Variants in CWC25 observed in about 807,000 individuals in gnomAD.
The protein encoded by CWC25 is CWC25 spliceosome associated protein.
Under a neutral mutation model 54.6 loss-of-function variants are expected in CWC25, and 31 were observed. The observed-to-expected ratio is 0.57, with a 90% CI of 0.43 to 0.77. The LOEUF is 0.77. Among genes scored for constraint, CWC25 ranks in the 30% least tolerant of loss-of-function variants. CWC25 has a pLI of 0.00. For synonymous variants in CWC25, 151 were observed against 187.0 expected, an observed-to-expected ratio of 0.81 and a Z score of 1.57; for missense variants, 453 against 529.3, an observed-to-expected ratio of 0.86 and a Z score of 1.41.
chr17:38,813,278 A>G (rs933057991), intron 3 of CWC25, among the ~76,000 whole-genome samples: 17 of 151,564 alleles, frequency 1.1e-4, no homozygotes, highest in African/African-American at 3.6e-4. Flanking sequence ...CCTGGCCAAC[A>G]TGGTGAAACC....
chr17:38,806,269 T>G, intron 8 of CWC25, 28 bp downstream of exon 8: 2 of 1,574,926 alleles, frequency 1.3e-6, no homozygotes, highest in Non-Finnish European at 1.7e-6. Flanking sequence ...CTGCAAAATG[T>G]GGTTAATCAA....
chr17:38,811,049 G>A (rs762657712), intron 4 of CWC25, among the ~76,000 whole-genome samples: 2 of 151,222 alleles, frequency 1.3e-5, no homozygotes, highest in Non-Finnish European at 2.9e-5. Flanking sequence ...TGGCCAATAT[G>A]GTGAAAGACC....
chr17:38,810,472 C>A lies in CWC25; in HGVS notation c.622G>T (p.Gly208Trp). The A allele has an allele frequency of 6.3e-7, 1 of 1,586,258 alleles. No homozygotes were observed. ...GGCCAGTCGCCACATGCTCACCTCCCTGCACTGTGCTCATCCTCGCTGCTG... is the reference window on the plus strand; with the variant it reads ...GGCCAGTCGCCACATGCTCACCTCCATGCACTGTGCTCATCCTCGCTGCTG... ...RSSSEDEHSA[G>W]RSQKKMANSS... The change falls in exon 5 of 10, where the codon GGG becomes TGG. Residue 208 changes from glycine (G) to tryptophan (W), a missense_variant. By Grantham distance (184) the Gly-to-Trp change is radical. Coordinates refer to ENST00000614790, the MANE Select transcript of CWC25 (RefSeq NM_017748.5).
chr17:38,821,840 G>A (rs1292992364), intron 1 of CWC25, among the ~76,000 whole-genome samples: 2 of 151,470 alleles, frequency 1.3e-5, no homozygotes, highest in Non-Finnish European at 2.9e-5. Flanking sequence ...AGCTATCTCG[G>A]CTGACTGCAC....
intron 6 of CWC25, 34 bp downstream of exon 6, chr17:38,809,668 A>ACAGT (rs1281661189): frequency 5.0e-6 from 8 of 1,605,962 alleles, no homozygotes; most frequent in Non-Finnish European, 6.8e-6. Flanking sequence ...CCACAGTCCC[A>ACAGT]CAGTCACTCC....
intron 2 of CWC25, chr17:38,815,579 G>T: frequency 2.5e-6 from 2 of 797,818 alleles, no homozygotes; most frequent in Non-Finnish European, 3.7e-6. Flanking sequence ...AATGGTGCTT[G>T]TCCTCATGAG....
chr17:38,825,285 C>T lies in CWC25; in HGVS notation c.-102G>A. Reference sequence around the variant, plus strand: ...CGGGGGCTACCTCGCGGGATCTAGTCCCAGGAGCCGTCAACTGCCAGTTTC... The same window carrying T: ...CGGGGGCTACCTCGCGGGATCTAGTTCCAGGAGCCGTCAACTGCCAGTTTC... On this transcript the variant is annotated 5_prime_UTR_variant, in exon 1 of 10. Coordinates refer to ENST00000614790, the MANE Select transcript of CWC25 (RefSeq NM_017748.5). 7.7e-7 allele frequency: 1 copy of T among 1,298,788 alleles called. No individual in the cohort carries two copies. The highest frequency in any genetic ancestry group is 1.1e-6 in the Non-Finnish European group (1 of 949,112). The allele number at this position is 1,298,788 out of a possible 1,614,324, so 80.5% of individuals were successfully genotyped here. A position where few individuals can be genotyped will look rare whatever the true frequency, so the allele number is the denominator to read the frequency against.
intron 4 of CWC25, among the ~76,000 whole-genome samples, chr17:38,812,092 C>T (rs1164073659): frequency 6.6e-6 from 1 of 152,022 alleles, no homozygotes. Flanking sequence ...GCATGAACCA[C>T]CACCCCGGCT....
chr17:38,816,375 A>C (rs1182688913), intron 2 of CWC25, among the ~76,000 whole-genome samples: 2 of 151,846 alleles, frequency 1.3e-5, no homozygotes, highest in East Asian at 3.9e-4. Context: ...CCTCCCAAGT[A>C]GCTGGGACTA....
At chr17:38,812,455 C>T (rs1375342229) in intron 4 of CWC25, among the ~76,000 whole-genome samples, 4 of 152,082 alleles carry the variant, frequency 2.6e-5, no homozygotes, top group Non-Finnish European at 4.4e-5. Context: ...TGAATAAACC[C>T]CGTCTCTACT....
At chr17:38,824,653 T>A (rs553144924) in intron 1 of CWC25, among the ~76,000 whole-genome samples, 1 of 148,614 alleles carries the variant, frequency 6.7e-6, no homozygotes, top group Non-Finnish European at 1.5e-5. Context: ...GCCATGGCAC[T>A]CCAGCCTGGG....
At chr17:38,823,668 G>A (rs1912019959) in intron 1 of CWC25, among the ~76,000 whole-genome samples, 1 of 152,036 alleles carries the variant, frequency 6.6e-6, no homozygotes, top group Admixed American at 6.6e-5. Flanking sequence ...GGGTCAGTCC[G>A]TCAGTTGGTC....
chr17:38,811,232 T>G (rs1383063059), intron 4 of CWC25, among the ~76,000 whole-genome samples: 1 of 147,374 alleles, frequency 6.8e-6, no homozygotes, highest in African/African-American at 2.5e-5. Context: ...AGACTCCATC[T>G]CATTAAAAAA....
rs771175666 is a variant in CWC25, at chr17:38,802,810, G to A, written c.1053C>T (p.Asn351=). ...LERKRQEMME[N]AKWREEERLN... ...GTCTCTCCTCCTCCCTCCATTTGGC[G>A]TTTTCCATCATCTCTTGCCGTTTTC... The change falls in exon 9 of 10, where the codon AAC becomes AAT. Residue 351 remains asparagine, a synonymous_variant. Transcript: ENST00000614790. 12 of 1,613,962 alleles carry A rather than the reference G, an allele frequency of 7.4e-6. No individual in the cohort carries two copies. The highest frequency in any genetic ancestry group is 3.3e-5 in the South Asian group (3 of 91,080).
At chr17:38,817,052 A>G (rs1911728380) in intron 2 of CWC25, among the ~76,000 whole-genome samples, 1 of 150,848 alleles carries the variant, frequency 6.6e-6, no homozygotes, top group Non-Finnish European at 1.5e-5. Context: ...ACAGTTAAGA[A>G]CTGATCAGCT....
chr17:38,804,605 A>G (rs1365883528), intron 8 of CWC25, among the ~76,000 whole-genome samples: 4 of 151,208 alleles, frequency 2.6e-5, no homozygotes, highest in Admixed American at 6.6e-5. Flanking sequence ...TCAGGAGTTC[A>G]AGACCAGCCT....
intron 3 of CWC25, among the ~76,000 whole-genome samples, 185 bp downstream of exon 3, chr17:38,814,676 A>G (rs1233359040): frequency 6.8e-6 from 1 of 147,438 alleles, no homozygotes; most frequent in Non-Finnish European, 1.5e-5. Flanking sequence ...AACCCGGCAG[A>G]CAGAGCTTGT....
chr17:38,809,702 C>T lies in CWC25; in HGVS notation c.690G>A (p.Gln230=). ...VLSKVPGYGL[Q]VRNSDRNQGL... The stretch of plus-strand genomic sequence containing the variant: ...CCTTTCAAGAAGCCCACATCCCTAC[C>T]TGTAAGCCATATCCAGGGACTTTGG... The change falls in exon 6 of 10, where the codon CAG becomes CAA. Residue 230 remains glutamine (Q), a splice_region_variant and synonymous_variant. Coordinates refer to ENST00000614790, the MANE Select transcript of CWC25 (RefSeq NM_017748.5). 6.2e-7 allele frequency: 1 copy of T among 1,613,810 alleles called. No homozygotes were observed. The highest frequency in any genetic ancestry group is 1.1e-5 in the South Asian group (1 of 91,056).
Position 38,800,875 on chromosome 17 carries a change from C to G in CWC25, c.*1217G>C, listed in dbSNP as rs898294399. On this transcript the variant is annotated 3_prime_UTR_variant, in exon 10 of 10. Coordinates refer to ENST00000614790, the MANE Select transcript of CWC25 (RefSeq NM_017748.5). ...CTCGGCTCACTGCAAGCTCCGCCTC[C>G]TGGGTTCACGCCATTCTCCTGCCTC... 1 of 152,178 alleles carries G rather than the reference C, an allele frequency of 6.6e-6. No homozygotes were observed. Among genetic ancestry groups the G allele is most frequent in the Non-Finnish European group, 1.5e-5 (1 of 68,042 alleles). 9.4% of individuals were successfully genotyped at this position (152,178 alleles called of 1,614,324 possible). A position where few individuals can be genotyped will look rare whatever the true frequency, so the allele number is the denominator to read the frequency against.
Sources: gnomAD v4.1 joint callset for allele counts (sites outside exome capture counted in the v4.1 genomes callset) on GRCh38, gnomAD v4.1.1 for gene constraint, MANE v1.5 for transcripts, NCBI Gene and HGNC (gene_info 2026-07-23, HGNC 2026-07-21) for gene names.